Variants in HIPK3 observed in about 807,000 individuals in gnomAD.
HIPK3 encodes the protein homeodomain interacting protein kinase 3.
A neutral mutation model predicts 124.2 loss-of-function variants in HIPK3; 47 were observed. That is an observed-to-expected ratio of 0.38 (90% CI 0.30 to 0.48). HIPK3 has a LOEUF of 0.48. Ranked by LOEUF, HIPK3 falls within the 20% of genes least tolerant of loss-of-function variation. HIPK3 has a pLI of 0.98. For synonymous variants in HIPK3, 482 were observed against 515.2 expected (o/e 0.94, Z 0.87); for missense variants, 1,286 against 1,454.3 (o/e 0.88, Z 1.88).
At chr11:33,332,127 A>G (rs1853005520) in intron 3 of HIPK3, among the ~76,000 whole-genome samples, 2 of 152,208 alleles carry the variant, frequency 1.3e-5, no homozygotes, top group South Asian at 2.1e-4. Flanking sequence ...TTAATTCTTC[A>G]TTATAGGGTT....
chr11:33,310,226 CTT>C (rs1852281666), intron 2 of HIPK3, among the ~76,000 whole-genome samples: 1 of 146,216 alleles, frequency 6.8e-6, no homozygotes, highest in Non-Finnish European at 1.5e-5. Context: ...GGCTGGCTAT[CTT>C]TGTCTGTCTG....
chr11:33,322,697 A>G (rs751915527), intron 2 of HIPK3, among the ~76,000 whole-genome samples: 9 of 152,178 alleles, frequency 5.9e-5, no homozygotes, highest in Non-Finnish European at 1.2e-4. Context: ...ATGGTGGCAC[A>G]TGCCTGTAGT....
intron 7 of HIPK3, 28 bp downstream of exon 7, chr11:33,341,155 A>T: frequency 6.7e-7 from 1 of 1,502,030 alleles, no homozygotes; most frequent in Non-Finnish European, 9.0e-7. Context: ...TTAATAACTT[A>T]GGGTCTTTTT....
chr11:33,275,462 A>G (rs139185091), intron 1 of HIPK3, among the ~76,000 whole-genome samples: 4 of 152,192 alleles, frequency 2.6e-5, no homozygotes, highest in African/African-American at 9.6e-5. Context: ...TTTACTGTTC[A>G]TACTACCAAC....
intron 2 of HIPK3, 101 bp from the exon 3 acceptor site, chr11:33,328,409 G>A: frequency 8.8e-7 from 1 of 1,133,816 alleles, no homozygotes; most frequent in Non-Finnish European, 1.3e-6. Context: ...TACATAGAAT[G>A]TGATACCTCT....
intron 1 of HIPK3, among the ~76,000 whole-genome samples, chr11:33,269,016 G>C (rs529531200): frequency 1.3e-5 from 2 of 152,158 alleles, no homozygotes; most frequent in East Asian, 3.9e-4. Flanking sequence ...CTGTTTTTAT[G>C]TTCCCTAAAG....
chr11:33,324,467 C>A (rs1056221864), intron 2 of HIPK3, among the ~76,000 whole-genome samples: 1 of 152,106 alleles, frequency 6.6e-6, no homozygotes, highest in African/African-American at 2.4e-5. Context: ...TGATAGATAA[C>A]GTATTGTGAA....
At chr11:33,267,728 C>A (rs1474833899) in intron 1 of HIPK3, among the ~76,000 whole-genome samples, 2 of 150,226 alleles carry the variant, frequency 1.3e-5, no homozygotes, top group South Asian at 4.2e-4. Context: ...CATCTCCTGA[C>A]CTCGTGATCC....
chr11:33,317,067 T>C (rs946184192), intron 2 of HIPK3, among the ~76,000 whole-genome samples: 4 of 151,346 alleles, frequency 2.6e-5, no homozygotes, highest in Non-Finnish European at 4.4e-5. Flanking sequence ...GCCTCCTAGG[T>C]TCAAGGAATT....
chr11:33,349,233 T>C lies in HIPK3; in HGVS notation c.2753T>C (p.Leu918Pro). 6.2e-7 allele frequency: 1 copy of C among 1,613,866 alleles called. No individual in the cohort carries two copies. ...MCSLSSPDSTLSTSSSGQSSP... is the reference protein window; with the variant it reads ...MCSLSSPDSTPSTSSSGQSSP... Reference sequence around the variant, plus strand: ...TCATTAAGTAGTCCTGATAGTACTCTGAGTACCAGCTCCTCAGGGCAGTCC... The same window carrying C: ...TCATTAAGTAGTCCTGATAGTACTCCGAGTACCAGCTCCTCAGGGCAGTCC... Residue 918 changes from leucine to proline, a missense_variant, in exon 14 of 17, where the codon CTG becomes CCG. Leu to Pro is a moderately conservative substitution (Grantham distance 98, BLOSUM62 -3). Coordinates refer to ENST00000303296, the MANE Select transcript of HIPK3 (RefSeq NM_005734.5).
At position 33,290,635 on chromosome 11, in the gene HIPK3, A is replaced by G. The variant is rs1467355330; in HGVS notation, c.1097+3124A>G. Among the ~76,000 whole-genome samples the G allele has an allele frequency of 2.2e-5, 3 of 137,734 alleles. No individual in the cohort carries two copies. The Admixed American group carries it at 2.2e-4, about 10-fold the overall frequency. The allele number at this position is 137,734 out of a possible 152,430, so 90.4% of individuals were successfully genotyped here. ...TCTTTTTCCACTAGAGTTAAAAAAA[A>G]AAGTCTTTTTTTTTTTTAATACTTG... On this transcript the variant is annotated intron_variant, in intron 2 of 16. Coordinates refer to ENST00000303296, the MANE Select transcript of HIPK3 (RefSeq NM_005734.5).
chr11:33,297,084 G>A (rs1251739029), intron 2 of HIPK3, among the ~76,000 whole-genome samples: 2 of 138,554 alleles, frequency 1.4e-5, no homozygotes, highest in Non-Finnish European at 3.0e-5. Flanking sequence ...TTGCTGATAT[G>A]GAAAAGATTT....
intron 3 of HIPK3, among the ~76,000 whole-genome samples, chr11:33,334,998 T>C (rs1474824283): frequency 6.6e-6 from 1 of 152,090 alleles, no homozygotes; most frequent in African/African-American, 2.4e-5. Flanking sequence ...GTTAATGAAG[T>C]AAAATTGTTA....
At chr11:33,284,385 G>A (rs1013287876) in intron 1 of HIPK3, among the ~76,000 whole-genome samples, 4 of 152,192 alleles carry the variant, frequency 2.6e-5, no homozygotes, top group Non-Finnish European at 4.4e-5. Context: ...TACTGTGAGA[G>A]CACTGAATGC....
chr11:33,308,798 T>C (rs1053168929), intron 2 of HIPK3, among the ~76,000 whole-genome samples: 1 of 151,534 alleles, frequency 6.6e-6, no homozygotes, highest in Admixed American at 6.6e-5. Flanking sequence ...ATTTTAGTTC[T>C]ATATATATAA....
chr11:33,298,349 C>A (rs964922121), intron 2 of HIPK3, among the ~76,000 whole-genome samples: 1 of 152,220 alleles, frequency 6.6e-6, no homozygotes, highest in Non-Finnish European at 1.5e-5. Context: ...TATTACTACA[C>A]ATTAACAAGG....
At chr11:33,260,252 G>T (rs1159651431) in intron 1 of HIPK3, among the ~76,000 whole-genome samples, 1 of 152,154 alleles carries the variant, frequency 6.6e-6, no homozygotes, top group Non-Finnish European at 1.5e-5. Context: ...GGGCACATAG[G>T]TTTTTATGTT....
intron 2 of HIPK3, among the ~76,000 whole-genome samples, chr11:33,322,166 A>AT (rs1390299660): frequency 6.6e-6 from 1 of 151,664 alleles, no homozygotes; most frequent in Non-Finnish European, 1.5e-5. Context: ...CACCCAGCTA[A>AT]TTTTTTGTAT....
At chr11:33,292,757 A>G (rs1379929338) in intron 2 of HIPK3, among the ~76,000 whole-genome samples, 2 of 152,104 alleles carry the variant, frequency 1.3e-5, no homozygotes, top group Non-Finnish European at 2.9e-5. Flanking sequence ...TTTTTTTAAG[A>G]TGGAGTCTCG....
Sources: allele counts gnomAD v4.1 joint callset (sites outside exome capture counted in the v4.1 genomes callset), GRCh38; gene constraint gnomAD v4.1.1; transcripts MANE v1.5; gene names NCBI Gene and HGNC (gene_info 2026-07-23, HGNC 2026-07-21).